Variants in GTF2A1L observed in about 807,000 individuals in gnomAD.
The protein encoded by GTF2A1L is general transcription factor IIA subunit 1 like, also known as TFIIA-alpha and beta-like factor.
Under a neutral mutation model 49.7 loss-of-function variants are expected in GTF2A1L, and 48 were observed. The ratio of observed to expected loss-of-function variants is 0.97; its 90% CI spans 0.77 to 1.23. The LOEUF is 1.23. GTF2A1L is among the 50% of genes most tolerant of loss of function. The pLI, the probability that GTF2A1L is intolerant of heterozygous loss-of-function variation, is 0.00. For synonymous variants in GTF2A1L, 246 were observed against 193.5 expected (o/e 1.27, Z -2.25); for missense variants, 736 against 564.8 (o/e 1.30, Z -3.07).
At chr2:48,619,451 C>G (rs1022839571) in intron 1 of GTF2A1L, among the ~76,000 whole-genome samples, 2 of 142,732 alleles carry the variant, frequency 1.4e-5, no homozygotes, top group Admixed American at 7.3e-5. Context: ...GCCTGGGTGA[C>G]AGAGCAAGAC....
At chr2:48,671,551 C>A (rs1395944805) in intron 7 of GTF2A1L, 40 bp from the exon 8 acceptor site, 2 of 1,581,516 alleles carry the variant, frequency 1.3e-6, no homozygotes, top group African/African-American at 1.4e-5. Flanking sequence ...CAATTTAAAG[C>A]ATCATAAAAT....
At chr2:48,650,361 A>G (rs1404054) in intron 6 of GTF2A1L, among the ~76,000 whole-genome samples, 33,825 of 152,012 alleles carry the variant, frequency 0.22, 3,868 homozygotes, top group South Asian at 0.26. Context: ...ATCTGGAATG[A>G]GGCTTAGTCA....
In GTF2A1L at chr2:48,628,631, G is replaced by A. The variant is rs151289377; in HGVS notation, c.247+7341G>A. On this transcript the variant is annotated intron_variant, in intron 3 of 8. Coordinates refer to ENST00000403751, the MANE Select transcript of GTF2A1L (RefSeq NM_006872.5). The stretch of plus-strand genomic sequence containing the variant: ...TGGATATTACAACTTTGTCAGATGA[G>A]TAGTTCGTGAATATTTTCTACCATC... Among the ~76,000 whole-genome samples the A allele has an allele frequency of 8.2e-3, 1,187 of 143,928 alleles. 86 individuals carry two copies. The highest frequency in any genetic ancestry group is 0.028 in the African/African-American group (1,127 of 40,486). The allele number at this position is 143,928 out of a possible 152,430, so 94.4% of individuals were successfully genotyped here. A position where few individuals can be genotyped will look rare whatever the true frequency, so the allele number is the denominator to read the frequency against.
intron 6 of GTF2A1L, among the ~76,000 whole-genome samples, chr2:48,652,258 G>C (rs1462448208): frequency 3.3e-5 from 5 of 152,120 alleles, no homozygotes; most frequent in African/African-American, 1.2e-4. Flanking sequence ...TAACATAGAA[G>C]CTCTGATTCA....
At chr2:48,652,066 A>G (rs146760515) in intron 6 of GTF2A1L, among the ~76,000 whole-genome samples, 48 of 152,284 alleles carry the variant, frequency 3.2e-4, no homozygotes, top group African/African-American at 1.1e-3. Flanking sequence ...TGAAGAAAAA[A>G]GTTGAGAATG....
chr2:48,656,189 A>T (rs569760786), intron 6 of GTF2A1L, among the ~76,000 whole-genome samples: 2 of 152,218 alleles, frequency 1.3e-5, no homozygotes, highest in African/African-American at 2.4e-5. Flanking sequence ...TTTTTCGGAT[A>T]TATATGGAGA....
intron 6 of GTF2A1L, among the ~76,000 whole-genome samples, chr2:48,663,437 A>G (rs534459301): frequency 6.6e-6 from 1 of 152,246 alleles, no homozygotes; most frequent in Non-Finnish European, 1.5e-5. Context: ...CCCTATCTCA[A>G]TCAATCTGAA....
chr2:48,674,723 CG>C (rs1679373131), intron 8 of GTF2A1L, among the ~76,000 whole-genome samples: 1 of 151,986 alleles, frequency 6.6e-6, no homozygotes, highest in Non-Finnish European at 1.5e-5. Context: ...CTTTGTTTGC[CG>C]CAATGTGGGA....
At chr2:48,661,445 G>T (rs955570700) in intron 6 of GTF2A1L, among the ~76,000 whole-genome samples, 1 of 151,052 alleles carries the variant, frequency 6.6e-6, no homozygotes. Context: ...GTAGAGACGG[G>T]GTTTCACCAT....
intron 4 of GTF2A1L, among the ~76,000 whole-genome samples, chr2:48,642,984 G>A (rs928306440): frequency 2.0e-5 from 3 of 152,136 alleles, no homozygotes; most frequent in Non-Finnish European, 4.4e-5. Flanking sequence ...TTTCAGAGCA[G>A]TTGTTAGCAT....
At chr2:48,639,397 C>T (rs1170033171) in intron 3 of GTF2A1L, among the ~76,000 whole-genome samples, 1 of 152,136 alleles carries the variant, frequency 6.6e-6, no homozygotes, top group Non-Finnish European at 1.5e-5. Context: ...TAAGGCTGCA[C>T]ACCTGTAGCC....
At chr2:48,648,268 A>C (rs1231110446) in intron 6 of GTF2A1L, among the ~76,000 whole-genome samples, 1 of 152,128 alleles carries the variant, frequency 6.6e-6, no homozygotes, top group East Asian at 1.9e-4. Flanking sequence ...TAGTAAATAA[A>C]TGTAGGTTAA....
At chr2:48,644,660 T>C (rs992453409) in intron 4 of GTF2A1L, among the ~76,000 whole-genome samples, 1 of 152,198 alleles carries the variant, frequency 6.6e-6, no homozygotes, top group Non-Finnish European at 1.5e-5. Flanking sequence ...AAACAGTAGT[T>C]TGAGAGAACC....
intron 1 of GTF2A1L, among the ~76,000 whole-genome samples, chr2:48,620,181 G>C (rs1351015047): frequency 6.6e-6 from 1 of 152,138 alleles, no homozygotes; most frequent in East Asian, 1.9e-4. Context: ...GTCTATTTCT[G>C]GTTGACTTAC....
intron 3 of GTF2A1L, among the ~76,000 whole-genome samples, chr2:48,629,773 T>C (rs2104101784): frequency 6.9e-6 from 1 of 144,630 alleles, no homozygotes; most frequent in Non-Finnish European, 1.6e-5. Flanking sequence ...GCTGCCCAGT[T>C]ACATCTTGAG....
At chr2:48,642,494 G>A in intron 4 of GTF2A1L, 37 bp downstream of exon 4, 1 of 1,527,544 alleles carries the variant, frequency 6.5e-7, no homozygotes, top group Non-Finnish European at 8.9e-7. Flanking sequence ...TAAAAGACAT[G>A]TCCCACTGTT....
chr2:48,655,757 A>G (rs949336230), intron 6 of GTF2A1L, among the ~76,000 whole-genome samples: 6 of 152,188 alleles, frequency 3.9e-5, no homozygotes, highest in African/African-American at 1.4e-4. Context: ...GACAGTAAGT[A>G]TATTCACATT....
chr2:48,674,380 T>A (rs1679345937), intron 8 of GTF2A1L, among the ~76,000 whole-genome samples: 2 of 152,182 alleles, frequency 1.3e-5, no homozygotes, highest in African/African-American at 2.4e-5. Context: ...TAGCCTTTTT[T>A]TTTTCCAGTC....
chr2:48,645,140 T>G, intron 5 of GTF2A1L, 23 bp downstream of exon 5: 3 of 1,575,696 alleles, frequency 1.9e-6, no homozygotes, highest in Non-Finnish European at 2.6e-6. Flanking sequence ...TCTAAGAATC[T>G]TTTTGTTTTC....
Sources: gnomAD v4.1 joint callset for allele counts (sites outside exome capture counted in the v4.1 genomes callset) on GRCh38, gnomAD v4.1.1 for gene constraint, MANE v1.5 for transcripts, NCBI Gene and HGNC (gene_info 2026-07-23, HGNC 2026-07-21) for gene names.